PRDM9: variants seen among roughly 807,000 people sequenced by gnomAD.
PRDM9 encodes PR/SET domain 9.
In PRDM9, 47 loss-of-function variants were observed where a neutral mutation model predicts 55.6. The ratio of observed to expected loss-of-function variants is 0.85; its 90% CI spans 0.67 to 1.08. The LOEUF is 1.08. Among genes scored for constraint, PRDM9 ranks in the 50% least tolerant of loss-of-function variants. The pLI, the probability that PRDM9 is intolerant of heterozygous loss-of-function variation, is 0.00. For missense variants in PRDM9, 867 were observed against 1,040.3 expected (o/e 0.83, Z 2.29); for synonymous variants, 312 against 375.7 (o/e 0.83, Z 1.96).
Position 23,522,807 on chromosome 5 carries a change from G to T in PRDM9, c.804G>T (p.Pro268=), listed in dbSNP as rs569308746. Residue 268 remains proline (P), a synonymous_variant, in exon 8 of 11, where the codon CCG becomes CCT. Transcript: ENST00000296682. ...TATGGAATGAGGCATCTGATCTGCC[G>T]CTGGGTCTGCACTTTGGCCCTTATG... ...LGVWNEASDL[P]LGLHFGPYEG... is the part of the protein sequence containing the mutation. 10 of 1,614,090 alleles carry T rather than the reference G, an allele frequency of 6.2e-6. No homozygotes were observed. The highest frequency in any genetic ancestry group is 3.4e-6 in the Non-Finnish European group (4 of 1,180,054).
chr5:23,522,442 T>C (rs761078344), intron 7 of PRDM9, 37 bp downstream of exon 7: 1 of 1,592,768 alleles, frequency 6.3e-7, no homozygotes, highest in Non-Finnish European at 8.6e-7. Flanking sequence ...CAGCTTGCTG[T>C]TATGTCCTGG....
chr5:23,520,050 A>AT (rs1372714843), intron 5 of PRDM9, among the ~76,000 whole-genome samples: 8 of 12,274 alleles, frequency 6.5e-4, no homozygotes, highest in Admixed American at 3.8e-3. Flanking sequence ...TCTCAAAAAA[A>AT]TAAAAAAAAA....
At chr5:23,517,835 T>G (rs1739244975) in intron 4 of PRDM9, 46 bp from the exon 5 acceptor site, 1 of 1,489,614 alleles carries the variant, frequency 6.7e-7, no homozygotes, top group South Asian at 1.1e-5. Flanking sequence ...CTCTAGTGTT[T>G]GGAAACATTT....
chr5:23,524,488 T>C lies in PRDM9; in HGVS notation c.1105T>C (p.Trp369Arg), dbSNP rs1444265182. The change falls in exon 10 of 11, where the codon TGG (tryptophan) becomes CGG (arginine). Residue 369 changes from tryptophan (W) to arginine (R), a missense_variant. Around this residue, in one of 5 missense-constraint regions of PRDM9, gnomAD observed 662 missense variants for 711.9 expected, o/e 0.93. Transcript: ENST00000296682. ...DEYGQELGIK[W>R]GSKWKKELMA... ...ATACGGCCAGGAACTGGGCATCAAGTGGGGCAGCAAGTGGAAGAAAGAGCT... is the reference window on the plus strand; with the variant it reads ...ATACGGCCAGGAACTGGGCATCAAGCGGGGCAGCAAGTGGAAGAAAGAGCT... The C allele has an allele frequency of 6.2e-7, 1 of 1,613,566 alleles. No homozygotes were observed. Among genetic ancestry groups the C allele is most frequent in the African/African-American group, 1.3e-5 (1 of 74,784 alleles).
At chr5:23,512,194 C>G (rs1739112479) in intron 4 of PRDM9, among the ~76,000 whole-genome samples, 1 of 152,128 alleles carries the variant, frequency 6.6e-6, no homozygotes, top group African/African-American at 2.4e-5. Context: ...AATGAATCTA[C>G]TTCTTTGTCT....
At chr5:23,512,297 G>A (rs1739114316) in intron 4 of PRDM9, among the ~76,000 whole-genome samples, 2 of 151,986 alleles carry the variant, frequency 1.3e-5, no homozygotes, top group South Asian at 4.2e-4. Context: ...ATAAAATAAT[G>A]TATCATAATT....
chr5:23,516,510 C>T (rs1335762054), intron 4 of PRDM9, among the ~76,000 whole-genome samples: 7 of 151,112 alleles, frequency 4.6e-5, no homozygotes, highest in African/African-American at 1.5e-4. Flanking sequence ...GTAGCTGGGA[C>T]TACAGGCGCC....
In PRDM9 at chr5:23,526,499, G is replaced by C; in HGVS notation, c.1411G>C (p.Glu471Gln). The part of the protein sequence containing the change: ...KLLNKRTWQR[E>Q]ISRAFSSPPK... ...CTTGAATAAAAGGACATGGCAGAGG[G>C]AGATTTCAAGGGCCTTTTCTAGCCC... Residue 471 changes from glutamate (E) to glutamine (Q), a missense_variant, in exon 11 of 11, where the codon GAG becomes CAG. Glu to Gln is a conservative substitution (Grantham distance 29). Around this residue, in one of 5 missense-constraint regions of PRDM9, gnomAD observed 662 missense variants for 711.9 expected, o/e 0.93. Transcript: ENST00000296682. 1.2e-6 allele frequency: 2 copies of C among 1,614,046 alleles called. No homozygotes were observed. Among genetic ancestry groups the C allele is most frequent in the Non-Finnish European group, 1.7e-6 (2 of 1,179,942 alleles).
chr5:23,519,435 C>G (rs1201339993), intron 5 of PRDM9, among the ~76,000 whole-genome samples: 1 of 151,888 alleles, frequency 6.6e-6, no homozygotes, highest in Non-Finnish European at 1.5e-5. Context: ...GTGGAGTGAT[C>G]TCGGCTCACT....
chr5:23,519,827 C>T (rs1409114657), intron 5 of PRDM9, among the ~76,000 whole-genome samples: 6 of 151,236 alleles, frequency 4.0e-5, no homozygotes, highest in South Asian at 2.1e-4. Context: ...GCAGATCACC[C>T]GAAGTCAGGA....
chr5:23,523,164 A>C, intron 8 of PRDM9, 127 bp from the exon 9 acceptor site: 2 of 1,189,398 alleles, frequency 1.7e-6, no homozygotes, highest in African/African-American at 1.5e-5. Context: ...ACTAAGGTGC[A>C]TACCATGTGG....
chr5:23,525,049 A>G lies in PRDM9; in HGVS notation c.1144+522A>G, dbSNP rs528914256. Among the ~76,000 whole-genome samples, 14 of 152,356 alleles carry G rather than the reference A, an allele frequency of 9.2e-5. No homozygotes were observed. The South Asian group carries it at 2.3e-3, about 25-fold the overall frequency. ...ATGATTACATACAGACATATGTGTAATATCAGACAGTGATTAGTGCTTTGA... is the reference window on the plus strand; with the variant it reads ...ATGATTACATACAGACATATGTGTAGTATCAGACAGTGATTAGTGCTTTGA... On this transcript the variant is annotated intron_variant, in intron 10 of 10. Coordinates refer to ENST00000296682, the MANE Select transcript of PRDM9 (RefSeq NM_020227.4).
At chr5:23,508,200 A>C (rs1388326486) in intron 1 of PRDM9, among the ~76,000 whole-genome samples, 1 of 152,054 alleles carries the variant, frequency 6.6e-6, no homozygotes, top group Non-Finnish European at 1.5e-5. Flanking sequence ...AAATCCTTTC[A>C]TCCTGAGGAA....
chr5:23,519,807 G>A (rs1739290674), intron 5 of PRDM9, among the ~76,000 whole-genome samples: 1 of 152,052 alleles, frequency 6.6e-6, no homozygotes, highest in Non-Finnish European at 1.5e-5. Flanking sequence ...ACTTTGAGAG[G>A]TGGAGGTGGG....
intron 3 of PRDM9, 131 bp downstream of exon 3, chr5:23,509,724 A>G: frequency 1.9e-6 from 3 of 1,550,836 alleles, no homozygotes; most frequent in Non-Finnish European, 1.8e-6. Context: ...ATCTGGAGGG[A>G]AATTTTGTTC....
At chr5:23,522,244 T>A (rs1739340071) in intron 6 of PRDM9, 60 bp from the exon 7 acceptor site, 1 of 1,385,384 alleles carries the variant, frequency 7.2e-7, no homozygotes, top group African/African-American at 1.4e-5. Flanking sequence ...CATTTTCTTA[T>A]GAAACAAGGA....
At position 23,514,694 on chromosome 5, in the gene PRDM9, C is replaced by T. The variant is rs575395084; in HGVS notation, c.302-3187C>T. On this transcript the variant is annotated intron_variant, in intron 4 of 10. Transcript: ENST00000296682. ...GCCTCAAATTATCTGCCCACCTCCT[C>T]GGCCTCCCAAAGTGCTGGGATTATA... 8.3e-4 allele frequency among the ~76,000 whole-genome samples: 127 copies of T among 152,204 alleles called. 1 individual carries two copies. The highest frequency in any genetic ancestry group is 3.4e-3 in the Middle Eastern group (1 of 294).
rs370435354 is a variant in PRDM9 at position 23,526,833 on chromosome 5, G to A, written c.1745G>A (p.Cys582Tyr). Reference protein sequence around the residue: ...RIHTGEKPYVCRECGRGFSWQ... With the variant: ...RIHTGEKPYVYRECGRGFSWQ... Reference sequence around the variant, plus strand: ...CACACAGGGGAGAAGCCCTATGTCTGCAGGGAGTGTGGGCGGGGCTTTAGC... The same window carrying A: ...CACACAGGGGAGAAGCCCTATGTCTACAGGGAGTGTGGGCGGGGCTTTAGC... The change falls in exon 11 of 11, where the codon TGC becomes TAC. Residue 582 changes from cysteine to tyrosine, a missense_variant. Cys to Tyr is a radical substitution (Grantham distance 194, BLOSUM62 -2). Transcript: ENST00000296682. The A allele has an allele frequency of 3.7e-6, 6 of 1,607,392 alleles. No individual in the cohort carries two copies. The African/African-American group carries it at 5.4e-5, about 15-fold the overall frequency.
Position 23,517,921 on chromosome 5 carries a change from A to G in PRDM9, c.342A>G (p.Lys114=). The change falls in exon 5 of 11, where the codon AAA becomes AAG. Residue 114 remains lysine (K), a synonymous_variant. Transcript: ENST00000296682. The part of the protein sequence containing the change: ...PWMALRVEQR[K]HQKGMPKASF... ...TGGCCTTAAGAGTGGAACAGCGTAA[A>G]CACCAGAAGGTAAGTATTTCCCAAA... 6.3e-7 allele frequency: 1 copy of G among 1,598,516 alleles called. No homozygotes were observed. The highest frequency in any genetic ancestry group is 8.6e-7 in the Non-Finnish European group (1 of 1,165,780).
Sources: gnomAD v4.1 joint callset for allele counts (sites outside exome capture counted in the v4.1 genomes callset) on GRCh38, gnomAD v4.1.1 for gene constraint, gnomAD v4.1.1 regional missense constraint, MANE v1.5 for transcripts, NCBI Gene and HGNC (gene_info 2026-07-23, HGNC 2026-07-21) for gene names.